Variants in VPS13D observed in about 807,000 individuals in gnomAD.
VPS13D encodes the protein intermembrane lipid transfer protein VPS13D.
VPS13D carries 187 observed loss-of-function variants against 461.9 expected under a neutral mutation model. That is an observed-to-expected ratio of 0.40 (90% confidence interval 0.36 to 0.46). The LOEUF (loss-of-function observed/expected upper bound fraction) is 0.46. Among genes scored for constraint, VPS13D ranks in the 20% least tolerant of loss-of-function variants. The pLI is 0.60. For missense variants in VPS13D, 4,711 were observed against 5,364.9 expected (o/e 0.88, Z 3.81); for synonymous variants, 1,951 against 1,986.3 (o/e 0.98, Z 0.47).
chr1:12,459,558 A>T (rs1415955678), intron 66 of VPS13D, among the ~76,000 whole-genome samples: 1 of 148,158 alleles, frequency 6.7e-6, no homozygotes, highest in South Asian at 2.1e-4. Context: ...GGCTCACTGC[A>T]ACCTCTGCCT....
intron 2 of VPS13D, among the ~76,000 whole-genome samples, chr1:12,235,261 G>A (rs1306131805): frequency 2.0e-5 from 3 of 152,136 alleles, no homozygotes; most frequent in East Asian, 1.9e-4. Context: ...ATAGAGTACC[G>A]GTGGTTCACA....
intron 55 of VPS13D, among the ~76,000 whole-genome samples, chr1:12,376,711 G>A (rs866463087): frequency 2.6e-5 from 4 of 152,314 alleles, no homozygotes; most frequent in Middle Eastern, 6.8e-3. Context: ...CTATCTGTCC[G>A]GCCAGGGGTA....
intron 3 of VPS13D, 65 bp from the exon 4 acceptor site, chr1:12,244,181 A>G (rs1034535402): frequency 2.1e-5 from 31 of 1,511,256 alleles, no homozygotes; most frequent in Non-Finnish European, 2.4e-5. Context: ...TTGTAAAAAT[A>G]CCAAAAAATG....
intron 1 of VPS13D, among the ~76,000 whole-genome samples, chr1:12,230,406 C>T (rs1377979405): frequency 2.0e-5 from 3 of 152,132 alleles, no homozygotes; most frequent in African/African-American, 4.8e-5. Flanking sequence ...GCTGGCTGAA[C>T]CTCTGGGAAC....
chr1:12,350,848 A>G (rs1643776255), intron 46 of VPS13D, among the ~76,000 whole-genome samples: 1 of 152,134 alleles, frequency 6.6e-6, no homozygotes, highest in African/African-American at 2.4e-5. Flanking sequence ...AATATAAGGA[A>G]TGAAAAAAAT....
chr1:12,234,479 A>G (rs1473460646), intron 2 of VPS13D, 116 bp downstream of exon 2: 9 of 709,500 alleles, frequency 1.3e-5, no homozygotes, highest in South Asian at 9.2e-5. Context: ...TACTAAATGT[A>G]TGTAAAAAGG....
rs367857742 is a variant in VPS13D at position 12,231,521 on chromosome 1, T to C, written c.-77+1401T>C. On this transcript the variant is annotated intron_variant, in intron 1 of 69. Transcript: ENST00000620676. The stretch of plus-strand genomic sequence containing the variant: ...ACAAACTGACAGTTGTTTCCCTTGA[T>C]TTGGAGATAATTGGTAATTGGCACT... Among the ~76,000 whole-genome samples, 18 of 152,334 alleles carry C rather than the reference T, an allele frequency of 1.2e-4. 1 individual carries two copies. The highest frequency in any genetic ancestry group is 1.1e-3 in the Admixed American group (17 of 15,300).
intron 65 of VPS13D, among the ~76,000 whole-genome samples, chr1:12,436,298 G>A (rs770034275): frequency 2.6e-5 from 4 of 152,188 alleles, no homozygotes; most frequent in East Asian, 1.9e-4. Context: ...GGGAAGGCAC[G>A]CCGGTGCCCA....
chr1:12,376,997 T>C (rs1183522960), intron 55 of VPS13D, among the ~76,000 whole-genome samples: 1 of 152,184 alleles, frequency 6.6e-6, no homozygotes, highest in Admixed American at 6.5e-5. Flanking sequence ...CTTCCTCATC[T>C]ATGAGGAGGG....
chr1:12,433,236 G>A (rs1364558920), intron 65 of VPS13D, among the ~76,000 whole-genome samples: 2 of 150,388 alleles, frequency 1.3e-5, no homozygotes, highest in Non-Finnish European at 3.0e-5. Context: ...TTGCCTTTTC[G>A]CTTTAATCTG....
rs531148124 is a variant in VPS13D at position 12,392,006 on chromosome 1, G to T, written c.11634+5672G>T. On this transcript the variant is annotated intron_variant, in intron 60 of 69. Transcript: ENST00000620676. ...CTCCCAAGTAGCTGAGAATACAAGT[G>T]TGTGGTGCCACACTTGGCTGATTTT... is the stretch of plus-strand genomic sequence containing the variant. Among the ~76,000 whole-genome samples, 7 of 152,090 alleles carry T rather than the reference G, an allele frequency of 4.6e-5. No individual in the cohort carries two copies. The South Asian group carries it at 1.5e-3, about 32-fold the overall frequency.
At chr1:12,487,326 C>T (rs760271707) in intron 67 of VPS13D, among the ~76,000 whole-genome samples, 1 of 152,044 alleles carries the variant, frequency 6.6e-6, no homozygotes, top group Admixed American at 6.6e-5. Context: ...GCAAACAAAT[C>T]GGGTCAGGCA....
chr1:12,448,724 G>A (rs948749771), intron 65 of VPS13D, among the ~76,000 whole-genome samples: 1 of 152,218 alleles, frequency 6.6e-6, no homozygotes, highest in African/African-American at 2.4e-5. Flanking sequence ...GATTCTACCT[G>A]TGTACATCCT....
At position 12,299,861 on chromosome 1, in the gene VPS13D, G is replaced by T. The variant is rs1290305427; in HGVS notation, c.6216+477G>T. On this transcript the variant is annotated intron_variant, in intron 25 of 69. Coordinates refer to ENST00000620676, the MANE Select transcript of VPS13D (RefSeq NM_015378.4). The surrounding 1 kb of genome is among the most constrained non-coding windows in gnomAD (Gnocchi z 4.2). ...TAAAAATGTCTTAATAATAACATCT[G>T]TACAGTATATTGCTTTACAGTTTTA... 6.7e-6 allele frequency among the ~76,000 whole-genome samples: 1 copy of T among 148,734 alleles called. No individual in the cohort carries two copies. The highest frequency in any genetic ancestry group is 1.5e-5 in the Non-Finnish European group (1 of 67,544).
intron 13 of VPS13D, among the ~76,000 whole-genome samples, 182 bp from the exon 14 acceptor site, chr1:12,266,699 C>T (rs1486885759): frequency 6.6e-6 from 1 of 152,242 alleles, no homozygotes; most frequent in East Asian, 1.9e-4. Flanking sequence ...GGTCTGGAAC[C>T]AAACCCGCAA....
At chr1:12,304,384 T>C (rs548164608) in intron 25 of VPS13D, 122 bp from the exon 26 acceptor site, 6 of 830,634 alleles carry the variant, frequency 7.2e-6, no homozygotes, top group East Asian at 5.3e-5. Context: ...ATAAGTATTA[T>C]AGAGTCTTTG....
intron 24 of VPS13D, among the ~76,000 whole-genome samples, chr1:12,295,217 T>C (rs1642240679): frequency 8.2e-6 from 1 of 122,694 alleles, no homozygotes; most frequent in Non-Finnish European, 1.6e-5. Context: ...AGAGCCACCA[T>C]GACTCAAAAA....
At chr1:12,444,648 GCTGTTTCAC>G (rs1645171182) in intron 65 of VPS13D, among the ~76,000 whole-genome samples, 1 of 151,974 alleles carries the variant, frequency 6.6e-6, no homozygotes, top group Admixed American at 6.6e-5. Context: ...TGTCGACTCT[GCTGTTTCAC>G]CATTTACTAA....
chr1:12,444,656 A>G (rs1317971025), intron 65 of VPS13D, among the ~76,000 whole-genome samples: 1 of 151,882 alleles, frequency 6.6e-6, no homozygotes, highest in African/African-American at 2.4e-5. Context: ...CTGCTGTTTC[A>G]CCATTTACTA....
Sources: allele counts gnomAD v4.1 joint callset (sites outside exome capture counted in the v4.1 genomes callset), GRCh38; gene constraint gnomAD v4.1.1; non-coding constraint Gnocchi (gnomAD v3.1); transcripts MANE v1.5; gene names NCBI Gene and HGNC (gene_info 2026-07-23, HGNC 2026-07-21).